FMNL2: variants seen among roughly 807,000 people sequenced by gnomAD.
The protein encoded by FMNL2 is formin-like protein 2.
A neutral mutation model predicts 130.2 loss-of-function variants in FMNL2; 51 were observed. The observed-to-expected ratio is 0.39, with a 90% CI of 0.31 to 0.49. The LOEUF (loss-of-function observed/expected upper bound fraction) is 0.49. Among genes scored for constraint, FMNL2 ranks in the 20% least tolerant of loss-of-function variants. FMNL2 has a pLI of 0.85. For missense variants in FMNL2, 977 were observed against 1,316.2 expected (o/e 0.74, Z 3.99); for synonymous variants, 465 against 467.1 (o/e 1.00, Z 0.06).
chr2:152,425,246 G>T lies in FMNL2; in HGVS notation c.117+89526G>T, dbSNP rs537113329. Among the ~76,000 whole-genome samples the T allele has an allele frequency of 7.2e-5, 11 of 152,240 alleles. No individual in the cohort carries two copies. The South Asian group carries it at 2.3e-3, about 32-fold the overall frequency. On this transcript the variant is annotated intron_variant, in intron 1 of 25. Coordinates refer to ENST00000288670, the MANE Select transcript of FMNL2 (RefSeq NM_052905.4). ...GGCCTTATTATAAAGCTATAGACGG[G>T]TCTATGAGATCTTTCTAGGTAAGAG...
chr2:152,422,206 G>A (rs1443072806), intron 1 of FMNL2, among the ~76,000 whole-genome samples: 1 of 152,162 alleles, frequency 6.6e-6, no homozygotes, highest in African/African-American at 2.4e-5. Flanking sequence ...AAATTGTTTT[G>A]TGGGTATGTG....
intron 7 of FMNL2, among the ~76,000 whole-genome samples, chr2:152,578,357 A>T (rs1048125756): frequency 6.6e-6 from 1 of 152,156 alleles, no homozygotes; most frequent in East Asian, 1.9e-4. Flanking sequence ...TTTGTATGTT[A>T]TATCTATTGT....
intron 1 of FMNL2, among the ~76,000 whole-genome samples, chr2:152,438,556 CAT>C (rs1428440035): frequency 2.0e-5 from 3 of 151,930 alleles, no homozygotes; most frequent in Non-Finnish European, 1.5e-5. Context: ...TTTTTTGAGA[CAT>C]ATGACTTTTA....
intron 1 of FMNL2, among the ~76,000 whole-genome samples, chr2:152,385,582 A>T (rs1684734733): frequency 6.6e-6 from 1 of 152,122 alleles, no homozygotes; most frequent in Non-Finnish European, 1.5e-5. Flanking sequence ...GGTGAGTTTG[A>T]ATTAGGGAGC....
intron 2 of FMNL2, among the ~76,000 whole-genome samples, chr2:152,522,901 A>G (rs1445295397): frequency 2.0e-5 from 3 of 152,210 alleles, no homozygotes; most frequent in Non-Finnish European, 4.4e-5. Flanking sequence ...AGCCTCAGCT[A>G]TAGATTTCCA....
chr2:152,464,234 G>A (rs545997077), intron 1 of FMNL2, among the ~76,000 whole-genome samples: 3 of 152,276 alleles, frequency 2.0e-5, no homozygotes, highest in Admixed American at 6.5e-5. Context: ...GTGAGCCCCC[G>A]CACTCAGCCA....
intron 1 of FMNL2, among the ~76,000 whole-genome samples, chr2:152,389,564 T>G (rs1262821120): frequency 6.6e-6 from 1 of 152,188 alleles, no homozygotes; most frequent in Non-Finnish European, 1.5e-5. Flanking sequence ...TATGTACCTT[T>G]TAGAAATAAG....
At chr2:152,473,714 C>G (rs938969802) in intron 1 of FMNL2, among the ~76,000 whole-genome samples, 4 of 152,108 alleles carry the variant, frequency 2.6e-5, no homozygotes, top group Admixed American at 2.0e-4. Flanking sequence ...ATATGCAGAC[C>G]CAGTATTGAA....
intron 25 of FMNL2, among the ~76,000 whole-genome samples, chr2:152,643,156 G>A (rs1375152722): frequency 6.6e-6 from 1 of 152,088 alleles, no homozygotes; most frequent in Non-Finnish European, 1.5e-5. Context: ...TACTAGAAGA[G>A]GGGAATGAGT....
chr2:152,348,918 T>C lies in FMNL2; in HGVS notation c.117+13198T>C, dbSNP rs960235812. The stretch of plus-strand genomic sequence containing the variant: ...GGCACAATCTCGGCTCACTGCAAGC[T>C]CCGCTTCCCGGGTTCACGCCATTCT... On this transcript the variant is annotated intron_variant, in intron 1 of 25. Coordinates refer to ENST00000288670, the MANE Select transcript of FMNL2 (RefSeq NM_052905.4). Among the ~76,000 whole-genome samples the C allele has an allele frequency of 3.2e-4, 36 of 112,608 alleles. 2 individuals carry two copies. The highest frequency in any genetic ancestry group is 5.7e-4 in the Non-Finnish European group (32 of 55,998). The allele number at this position is 112,608 out of a possible 152,430, so 73.9% of individuals were successfully genotyped here.
chr2:152,373,048 C>T (rs1036488104), intron 1 of FMNL2, among the ~76,000 whole-genome samples: 4 of 151,414 alleles, frequency 2.6e-5, no homozygotes, highest in Admixed American at 2.6e-4. Context: ...CCAGCCTTAA[C>T]ACTAACAGGT....
At chr2:152,338,818 GATAC>G (rs1003850925) in intron 1 of FMNL2, among the ~76,000 whole-genome samples, 4 of 60,394 alleles carry the variant, frequency 6.6e-5, no homozygotes, top group African/African-American at 1.3e-4. Context: ...TGGAAGGTGA[GATAC>G]ACACACACAC....
chr2:152,447,599 A>G (rs1688414937), intron 1 of FMNL2, among the ~76,000 whole-genome samples: 1 of 152,134 alleles, frequency 6.6e-6, no homozygotes, highest in South Asian at 2.1e-4. Context: ...ATTTGTTACC[A>G]TCTTTTTCCA....
At chr2:152,336,407 A>G (rs550091380) in intron 1 of FMNL2, among the ~76,000 whole-genome samples, 1 of 152,258 alleles carries the variant, frequency 6.6e-6, no homozygotes, top group East Asian at 1.9e-4. Context: ...CTTAAACCAC[A>G]AAAATGTGGA....
At chr2:152,460,888 T>C (rs1250453616) in intron 1 of FMNL2, among the ~76,000 whole-genome samples, 1 of 152,196 alleles carries the variant, frequency 6.6e-6, no homozygotes, top group Non-Finnish European at 1.5e-5. Context: ...TAGTGAATTG[T>C]ATAATTATTT....
At chr2:152,611,427 C>G in intron 10 of FMNL2, 68 bp from the exon 11 acceptor site, 2 of 749,662 alleles carry the variant, frequency 2.7e-6, no homozygotes, top group Non-Finnish European at 2.2e-6. Flanking sequence ...AAATTGAAAG[C>G]ACATGTCTGC....
chr2:152,625,905 C>G (rs1681752416), intron 16 of FMNL2, among the ~76,000 whole-genome samples: 1 of 152,138 alleles, frequency 6.6e-6, no homozygotes, highest in South Asian at 2.1e-4. Context: ...CACTCACTGC[C>G]TTATCTGATG....
intron 1 of FMNL2, among the ~76,000 whole-genome samples, chr2:152,345,784 A>T (rs1260781659): frequency 2.0e-5 from 3 of 152,162 alleles, no homozygotes; most frequent in Non-Finnish European, 4.4e-5. Flanking sequence ...GGCCATCCAG[A>T]TGCGAACCTG....
At chr2:152,459,104 G>A (rs1028588068) in intron 1 of FMNL2, among the ~76,000 whole-genome samples, 3 of 152,112 alleles carry the variant, frequency 2.0e-5, no homozygotes, top group Non-Finnish European at 4.4e-5. Flanking sequence ...TACTTTTTCT[G>A]TGTTTCAGGG....
Sources: gnomAD v4.1 joint callset for allele counts (sites outside exome capture counted in the v4.1 genomes callset) on GRCh38, gnomAD v4.1.1 for gene constraint, MANE v1.5 for transcripts, NCBI Gene and HGNC (gene_info 2026-07-23, HGNC 2026-07-21) for gene names.